PKHD1: variants seen among roughly 807,000 people sequenced by gnomAD.
The protein encoded by PKHD1 is fibrocystin.
A neutral mutation model predicts 412.0 loss-of-function variants in PKHD1; 291 were observed. The ratio of observed to expected loss-of-function variants is 0.71; its 90% confidence interval spans 0.64 to 0.78. PKHD1 has a LOEUF of 0.78. PKHD1 is among the 30% of genes least tolerant of loss of function. The pLI is 0.00. For missense variants in PKHD1, 4,825 were observed against 4,950.7 expected (o/e 0.97, Z 0.76); for synonymous variants, 1,777 against 1,821.5 (o/e 0.98, Z 0.62).
At chr6:51,917,668 A>G (rs1240238357) in intron 37 of PKHD1, among the ~76,000 whole-genome samples, 1 of 152,098 alleles carries the variant, frequency 6.6e-6, no homozygotes, top group South Asian at 2.1e-4. Context: ...GGCAACGACA[A>G]TGATGTGTAA....
At chr6:51,820,882 C>A (rs1243980090) in intron 52 of PKHD1, among the ~76,000 whole-genome samples, 2 of 152,134 alleles carry the variant, frequency 1.3e-5, no homozygotes, top group Non-Finnish European at 2.9e-5. Context: ...TGTACCTAAA[C>A]CAATGATTGG....
chr6:52,046,681 C>A (rs1490952867), intron 23 of PKHD1, among the ~76,000 whole-genome samples: 1 of 152,208 alleles, frequency 6.6e-6, no homozygotes, highest in Non-Finnish European at 1.5e-5. Flanking sequence ...TTCAGTTTCT[C>A]TATTAGAATT....
At chr6:51,766,431 A>G (rs901275564) in intron 55 of PKHD1, among the ~76,000 whole-genome samples, 1 of 152,096 alleles carries the variant, frequency 6.6e-6, no homozygotes, top group Non-Finnish European at 1.5e-5. Context: ...TATTTTGTCA[A>G]CTTGGAATTC....
intron 63 of PKHD1, among the ~76,000 whole-genome samples, chr6:51,642,258 G>A (rs1050769020): frequency 2.0e-5 from 3 of 152,128 alleles, no homozygotes; most frequent in African/African-American, 7.2e-5. Context: ...TGGGGAATAG[G>A]TAAGGCATGG....
intron 60 of PKHD1, among the ~76,000 whole-genome samples, chr6:51,681,382 T>C (rs1282590211): frequency 6.6e-6 from 1 of 152,044 alleles, no homozygotes; most frequent in Admixed American, 6.6e-5. Flanking sequence ...TCATGTTTGG[T>C]TGACCAACCA....
At chr6:51,792,813 C>G (rs1793964218) in intron 52 of PKHD1, among the ~76,000 whole-genome samples, 1 of 152,164 alleles carries the variant, frequency 6.6e-6, no homozygotes, top group Admixed American at 6.5e-5. Flanking sequence ...CTGGCTCCAC[C>G]ACTCTCCCTG....
intron 35 of PKHD1, among the ~76,000 whole-genome samples, chr6:51,964,040 AG>A (rs1466569599): frequency 6.6e-6 from 1 of 152,096 alleles, no homozygotes; most frequent in East Asian, 1.9e-4. Flanking sequence ...CTTTGCATCT[AG>A]CCCCAAATAA....
intron 51 of PKHD1, 38 bp downstream of exon 51, chr6:51,836,366 C>G: frequency 7.5e-6 from 10 of 1,334,496 alleles, no homozygotes; most frequent in Non-Finnish European, 9.7e-6. Flanking sequence ...GGACATTCTG[C>G]CATACTAGAC....
rs140791735 is a variant in PKHD1 at position 52,025,775 on chromosome 6, G to T, written c.4035C>A (p.Gly1345=). The change falls in exon 32 of 67, where the codon GGC becomes GGA. Residue 1345 remains glycine, a synonymous_variant. Coordinates refer to ENST00000371117, the MANE Select transcript of PKHD1 (RefSeq NM_138694.4). ...TGGAGCATCCAGACAGGCTCACGTTGCCCTGGAAGGACTGTGTCTCAACAT... is the reference window on the plus strand; with the variant it reads ...TGGAGCATCCAGACAGGCTCACGTTTCCCTGGAAGGACTGTGTCTCAACAT... ...NCDVETQSFQ[G]NVSLSGCSIP... The T allele has an allele frequency of 0.011, 18,034 of 1,614,186 alleles. 209 individuals are homozygous for T. Among genetic ancestry groups the T allele is most frequent in the South Asian group, 0.036 (3,285 of 91,074 alleles).
At chr6:51,731,105 T>C (rs1208037729) in intron 60 of PKHD1, among the ~76,000 whole-genome samples, 3 of 152,144 alleles carry the variant, frequency 2.0e-5, no homozygotes, top group Non-Finnish European at 2.9e-5. Flanking sequence ...TGTTAAATTT[T>C]TCAATACTAT....
At chr6:51,777,200 G>T (rs1333555069) in intron 53 of PKHD1, among the ~76,000 whole-genome samples, 1 of 152,042 alleles carries the variant, frequency 6.6e-6, no homozygotes, top group Admixed American at 6.6e-5. Flanking sequence ...TTTCATCTTG[G>T]TTGCTGGTCT....
intron 50 of PKHD1, among the ~76,000 whole-genome samples, chr6:51,842,191 T>C (rs1770325063): frequency 6.6e-6 from 1 of 152,196 alleles, no homozygotes; most frequent in African/African-American, 2.4e-5. Context: ...AGCCTCAGCC[T>C]TACAGGCAGA....
intron 24 of PKHD1, 151 bp from the exon 25 acceptor site, chr6:52,045,239 C>T (rs1805603024): frequency 3.9e-6 from 3 of 774,680 alleles, no homozygotes; most frequent in Non-Finnish European, 6.5e-6. Flanking sequence ...AATATAGAAA[C>T]GTAACAGTAA....
At chr6:51,882,690 C>T (rs1287413268) in intron 46 of PKHD1, among the ~76,000 whole-genome samples, 2 of 152,146 alleles carry the variant, frequency 1.3e-5, no homozygotes, top group Non-Finnish European at 2.9e-5. Context: ...ATCCTTGTAC[C>T]CTGAGAAGTC....
intron 37 of PKHD1, among the ~76,000 whole-genome samples, chr6:51,915,817 C>T (rs987929800): frequency 6.6e-6 from 1 of 151,942 alleles, no homozygotes; most frequent in Non-Finnish European, 1.5e-5. Flanking sequence ...ATGAAAGATG[C>T]CTCATGGTGA....
intron 60 of PKHD1, among the ~76,000 whole-genome samples, chr6:51,687,194 T>G (rs1271932083): frequency 6.6e-6 from 1 of 152,074 alleles, no homozygotes; most frequent in Non-Finnish European, 1.5e-5. Context: ...CCAAGTTAGT[T>G]AGGCATATGA....
intron 65 of PKHD1, among the ~76,000 whole-genome samples, chr6:51,632,069 G>A (rs762256113): frequency 5.3e-5 from 8 of 151,378 alleles, no homozygotes; most frequent in South Asian, 2.1e-4. Flanking sequence ...TCAGCCTCCC[G>A]AGTAGCTGGG....
intron 60 of PKHD1, among the ~76,000 whole-genome samples, chr6:51,670,274 T>C: frequency 6.6e-6 from 1 of 152,190 alleles, no homozygotes; most frequent in Non-Finnish European, 1.5e-5. Context: ...GCTCTTCTTG[T>C]TGAATTGATC....
chr6:51,890,067 T>A (rs545814592), intron 43 of PKHD1, among the ~76,000 whole-genome samples: 1 of 152,276 alleles, frequency 6.6e-6, no homozygotes, highest in Admixed American at 6.5e-5. Context: ...AGTGAAAATC[T>A]ACAGAGAAGG....
Sources: gnomAD v4.1 joint callset for allele counts (sites outside exome capture counted in the v4.1 genomes callset) on GRCh38, gnomAD v4.1.1 for gene constraint, MANE v1.5 for transcripts, NCBI Gene and HGNC (gene_info 2026-07-23, HGNC 2026-07-21) for gene names.